SNTG2: variants seen among roughly 807,000 people sequenced by gnomAD.
SNTG2 encodes the protein gamma-2-syntrophin.
SNTG2 carries 74 observed loss-of-function variants against 70.9 expected under a neutral mutation model. The ratio of observed to expected loss-of-function variants is 1.04; its 90% CI spans 0.86 to 1.27. The LOEUF is 1.27. Among genes scored for constraint, SNTG2 ranks in the 50% most tolerant of loss-of-function variants. The pLI is 0.00. For synonymous variants in SNTG2, 278 were observed against 273.8 expected (o/e 1.02, Z -0.15); for missense variants, 717 against 690.7 (o/e 1.04, Z -0.43).
At chr2:1,366,381 G>C in intron 16 of SNTG2, among the ~76,000 whole-genome samples, 1 of 152,150 alleles carries the variant, frequency 6.6e-6, no homozygotes, top group East Asian at 1.9e-4. Context: ...TTTAACTTCT[G>C]TGTCAGCTTT....
rs188679426 is a variant in SNTG2, at chr2:1,113,492, G to T, written c.325+15082G>T. On this transcript the variant is annotated intron_variant, in intron 4 of 16. Transcript: ENST00000308624. ...AGAAGGGTCGTGTGTACTAACTGAG[G>T]TTTAACCCTTACAGTCCTTTGACGA... Among the ~76,000 whole-genome samples, 13 of 151,428 alleles carry T rather than the reference G, an allele frequency of 8.6e-5. No homozygotes were observed. The East Asian group carries it at 2.2e-3, about 25-fold the overall frequency.
At chr2:1,293,800 A>G (rs1038997311) in intron 14 of SNTG2, among the ~76,000 whole-genome samples, 3 of 152,194 alleles carry the variant, frequency 2.0e-5, no homozygotes, top group Admixed American at 6.5e-5. Context: ...TATGATATCT[A>G]CATGGGAGAA....
chr2:1,255,500 T>A (rs28694754), intron 12 of SNTG2, among the ~76,000 whole-genome samples: 45,551 of 151,960 alleles, frequency 0.3, 7,604 homozygotes, highest in African/African-American at 0.45. Context: ...GTTGCTGGCC[T>A]TGCTGCACTT....
chr2:1,105,440 C>T (rs1666052835), intron 4 of SNTG2, among the ~76,000 whole-genome samples: 2 of 152,120 alleles, frequency 1.3e-5, no homozygotes, highest in Admixed American at 6.5e-5. Flanking sequence ...TTTAATTCAC[C>T]GCTTTAGTGA....
At chr2:1,124,721 G>A (rs1478490077) in intron 4 of SNTG2, among the ~76,000 whole-genome samples, 3 of 152,142 alleles carry the variant, frequency 2.0e-5, no homozygotes, top group African/African-American at 4.8e-5. Context: ...ACTTATGGGT[G>A]GAACCTGACG....
intron 14 of SNTG2, among the ~76,000 whole-genome samples, chr2:1,273,494 C>G (rs999660168): frequency 4.6e-5 from 7 of 152,022 alleles, no homozygotes; most frequent in Non-Finnish European, 2.9e-5. Flanking sequence ...AAGACAAGCA[C>G]AGCCAAAAAG....
chr2:1,285,258 G>A (rs1312121816), intron 14 of SNTG2, among the ~76,000 whole-genome samples: 1 of 152,074 alleles, frequency 6.6e-6, no homozygotes, highest in Admixed American at 6.5e-5. Context: ...CCAGCCCACT[G>A]ACTCAAATGT....
At chr2:1,331,219 G>T (rs1249948084) in intron 16 of SNTG2, among the ~76,000 whole-genome samples, 1 of 152,208 alleles carries the variant, frequency 6.6e-6, no homozygotes, top group Non-Finnish European at 1.5e-5. Flanking sequence ...CAGGGCAAAA[G>T]AACTCACTGT....
chr2:1,255,802 AT>A (rs1377546213), intron 12 of SNTG2, among the ~76,000 whole-genome samples: 1 of 141,266 alleles, frequency 7.1e-6, no homozygotes, highest in Admixed American at 7.6e-5. Context: ...GTATATATAT[AT>A]ATACACAAAG....
At chr2:1,262,574 G>T (rs553216989) in intron 13 of SNTG2, among the ~76,000 whole-genome samples, 3 of 122,286 alleles carry the variant, frequency 2.5e-5, no homozygotes, top group African/African-American at 1.2e-4. Context: ...GGAAGAAGCC[G>T]GGTCAAGTCT....
At chr2:1,226,769 G>A (rs1675813323) in intron 9 of SNTG2, among the ~76,000 whole-genome samples, 1 of 152,252 alleles carries the variant, frequency 6.6e-6, no homozygotes, top group South Asian at 2.1e-4. Context: ...CTTAGTCCCA[G>A]TAAATTTAGC....
At chr2:962,930 C>CG (rs2147947415) in intron 1 of SNTG2, among the ~76,000 whole-genome samples, 1 of 152,188 alleles carries the variant, frequency 6.6e-6, no homozygotes, top group Admixed American at 6.5e-5. Flanking sequence ...CCTCTACTAG[C>CG]GGGGAATTTG....
At chr2:1,049,757 C>T (rs1266508704) in intron 1 of SNTG2, among the ~76,000 whole-genome samples, 1 of 152,200 alleles carries the variant, frequency 6.6e-6, no homozygotes, top group African/African-American at 2.4e-5. Flanking sequence ...TGCATTCTCA[C>T]CAGCAATGAA....
Position 1,318,697 on chromosome 2 carries a change from G to A in SNTG2, c.1488+2322G>A, listed in dbSNP as rs115612887. 9.8e-3 allele frequency among the ~76,000 whole-genome samples: 1,500 copies of A among 152,348 alleles called. 22 individuals carry two copies. Among genetic ancestry groups the A allele is most frequent in the African/African-American group, 0.034 (1,399 of 41,570 alleles). ...CATCTGGTATTTCACTGGCTTGGAT[G>A]TGAATGGATCAGGGATGAAAATAGA... On this transcript the variant is annotated intron_variant, in intron 16 of 16. Coordinates refer to ENST00000308624, the MANE Select transcript of SNTG2 (RefSeq NM_018968.4).
intron 14 of SNTG2, among the ~76,000 whole-genome samples, chr2:1,279,511 G>A (rs527539534): frequency 3.0e-4 from 45 of 152,284 alleles, no homozygotes; most frequent in Middle Eastern, 3.4e-3. Flanking sequence ...GGGGGCTCCC[G>A]TACAGGAATT....
intron 4 of SNTG2, among the ~76,000 whole-genome samples, chr2:1,119,552 G>GTT (rs754786251): frequency 0.15 from 20,792 of 140,342 alleles, 1,603 homozygotes; most frequent in African/African-American, 0.17. Flanking sequence ...TTAAAGGCTC[G>GTT]TTTTTTTTTT....
intron 8 of SNTG2, 105 bp downstream of exon 8, chr2:1,173,288 T>C: frequency 9.4e-7 from 1 of 1,063,838 alleles, no homozygotes; most frequent in Non-Finnish European, 1.4e-6. Flanking sequence ...CCAGTGAAGA[T>C]AATTGTGTTA....
chr2:1,086,226 C>T (rs1055400954), intron 2 of SNTG2, among the ~76,000 whole-genome samples: 2 of 152,176 alleles, frequency 1.3e-5, no homozygotes, highest in South Asian at 2.1e-4. Flanking sequence ...GCTTCAATCA[C>T]GGAAACTGGT....
chr2:1,169,716 T>C (rs970512494), intron 7 of SNTG2, among the ~76,000 whole-genome samples: 12 of 152,112 alleles, frequency 7.9e-5, no homozygotes, highest in African/African-American at 2.9e-4. Flanking sequence ...GCTGCCGGCA[T>C]CCTGAGCGGG....
Sources: gnomAD v4.1 joint callset for allele counts (sites outside exome capture counted in the v4.1 genomes callset) on GRCh38, gnomAD v4.1.1 for gene constraint, MANE v1.5 for transcripts, NCBI Gene and HGNC (gene_info 2026-07-23, HGNC 2026-07-21) for gene names.